The following OXCT1 variants were observed in gnomAD, a reference collection of about 807,000 sequenced individuals.
OXCT1 encodes the protein 3-oxoacid CoA-transferase 1, also known as succinyl-CoA:3-ketoacid coenzyme A transferase 1, mitochondrial.
In OXCT1, 27 loss-of-function variants were observed where a neutral mutation model predicts 69.6. The observed-to-expected ratio is 0.39, with a 90% CI of 0.29 to 0.54. OXCT1 has a LOEUF of 0.54. Among genes scored for constraint, OXCT1 ranks in the 20% least tolerant of loss-of-function variants. The pLI is 0.72. For missense variants in OXCT1, 437 were observed against 650.2 expected (o/e 0.67, Z 3.57); for synonymous variants, 202 against 217.8 (o/e 0.93, Z 0.64).
intron 7 of OXCT1, among the ~76,000 whole-genome samples, chr5:41,824,642 A>G (rs1747716446): frequency 1.3e-5 from 2 of 152,336 alleles, no homozygotes; most frequent in Admixed American, 6.5e-5. Context: ...ACTATAAATA[A>G]AACAGCAGCT....
At position 41,730,204 on chromosome 5, in the gene OXCT1, T is replaced by C. The variant is rs1218459420; in HGVS notation, c.*1525A>G. 6.6e-6 allele frequency: 1 copy of C among 152,238 alleles called. No homozygotes were observed. Among genetic ancestry groups the C allele is most frequent in the African/African-American group, 2.4e-5 (1 of 41,470 alleles). The allele number at this position is 152,238 out of a possible 1,614,324, so 9.4% of individuals were successfully genotyped here. A position where few individuals can be genotyped will look rare whatever the true frequency, so the allele number is the denominator to read the frequency against. On this transcript the variant is annotated 3_prime_UTR_variant, in exon 17 of 17. Transcript: ENST00000196371. ...TACTGGAATGATAAGTTTGAAGATG[T>C]AACTATCAACAATTCTTTTCAAAAT...
intron 13 of OXCT1, among the ~76,000 whole-genome samples, chr5:41,780,713 T>C (rs1745355947): frequency 6.6e-6 from 1 of 152,188 alleles, no homozygotes; most frequent in Non-Finnish European, 1.5e-5. Flanking sequence ...AAATTGACTA[T>C]TCAGCTCAAA....
chr5:41,745,821 A>C (rs1461994610), intron 15 of OXCT1, among the ~76,000 whole-genome samples: 1 of 152,196 alleles, frequency 6.6e-6, no homozygotes, highest in Non-Finnish European at 1.5e-5. Context: ...AAATTCCTCG[A>C]CACATACACC....
chr5:41,831,556 C>T (rs1748098177), intron 7 of OXCT1, among the ~76,000 whole-genome samples: 1 of 152,148 alleles, frequency 6.6e-6, no homozygotes, highest in South Asian at 2.1e-4. Context: ...GTGAGTTTTG[C>T]TTTGTTCACT....
chr5:41,858,844 G>A (rs1376831744), intron 3 of OXCT1, among the ~76,000 whole-genome samples: 1 of 152,020 alleles, frequency 6.6e-6, no homozygotes, highest in Non-Finnish European at 1.5e-5. Flanking sequence ...AATATATCAA[G>A]AGTACCAAAA....
intron 7 of OXCT1, among the ~76,000 whole-genome samples, chr5:41,828,865 G>C (rs1162772928): frequency 2.0e-5 from 3 of 152,126 alleles, no homozygotes; most frequent in African/African-American, 7.2e-5. Context: ...TAATATTTTA[G>C]GCTTTGCAGG....
intron 13 of OXCT1, among the ~76,000 whole-genome samples, chr5:41,790,355 G>C (rs761327622): frequency 6.6e-6 from 1 of 152,136 alleles, no homozygotes; most frequent in East Asian, 1.9e-4. Flanking sequence ...TCATTTATTC[G>C]CTTGCCTGGG....
intron 14 of OXCT1, among the ~76,000 whole-genome samples, chr5:41,756,819 T>C (rs575034102): frequency 6.6e-6 from 1 of 152,222 alleles, no homozygotes; most frequent in Non-Finnish European, 1.5e-5. Context: ...GTGAGCCATG[T>C]GGATAGCTAG....
intron 13 of OXCT1, among the ~76,000 whole-genome samples, chr5:41,767,722 G>GTGTATATATATA (rs1554011237): frequency 1.0e-3 from 91 of 89,934 alleles, no homozygotes; most frequent in Admixed American, 1.9e-3. Flanking sequence ...ATATGTGTGT[G>GTGTATATATATA]TATATATATA....
chr5:41,807,293 G>A lies in OXCT1; in HGVS notation c.840+38C>T. 3.7e-6 allele frequency: 4 copies of A among 1,081,976 alleles called. 1 individual carries two copies. Among genetic ancestry groups the A allele is most frequent in the Non-Finnish European group, 5.7e-6 (4 of 696,046 alleles). 67.0% of individuals were successfully genotyped at this position (1,081,976 alleles called of 1,614,324 possible). A position where few individuals can be genotyped will look rare whatever the true frequency, so the allele number is the denominator to read the frequency against. On this transcript the variant is annotated intron_variant, in intron 8 of 16. Coordinates refer to ENST00000196371, the MANE Select transcript of OXCT1 (RefSeq NM_000436.4). ...CCAGGGATGCACTATCTCTGTAACT[G>A]GATCCATGAATACTGACAAAGCAGC...
intron 11 of OXCT1, among the ~76,000 whole-genome samples, chr5:41,796,573 G>A (rs1219406053): frequency 6.6e-6 from 1 of 152,114 alleles, no homozygotes; most frequent in Non-Finnish European, 1.5e-5. Context: ...TAAAACTTGA[G>A]TATGGAGAAA....
chr5:41,768,509 C>G (rs1475918437), intron 13 of OXCT1, among the ~76,000 whole-genome samples: 1 of 152,162 alleles, frequency 6.6e-6, no homozygotes, highest in Non-Finnish European at 1.5e-5. Context: ...AAAGGCAAAT[C>G]TCACCCACCT....
At chr5:41,737,048 C>A (rs938184933) in intron 16 of OXCT1, among the ~76,000 whole-genome samples, 11 of 152,192 alleles carry the variant, frequency 7.2e-5, no homozygotes, top group African/African-American at 2.7e-4. Flanking sequence ...AATTAGGGCA[C>A]TCCAGCTCTA....
intron 7 of OXCT1, among the ~76,000 whole-genome samples, chr5:41,827,364 A>G (rs1747857869): frequency 6.6e-6 from 1 of 152,186 alleles, no homozygotes; most frequent in Non-Finnish European, 1.5e-5. Context: ...TCAACTGCCC[A>G]GTCATCGAGT....
rs1298040484 is a variant in OXCT1 at position 41,842,659 on chromosome 5, A to G, written c.671+16T>C. The G allele has an allele frequency of 6.4e-7, 1 of 1,574,786 alleles. No individual in the cohort carries two copies. Among genetic ancestry groups the G allele is most frequent in the Non-Finnish European group, 8.7e-7 (1 of 1,144,230 alleles). On this transcript the variant is annotated intron_variant, in intron 6 of 16. Coordinates refer to ENST00000196371, the MANE Select transcript of OXCT1 (RefSeq NM_000436.4). The stretch of plus-strand genomic sequence containing the variant: ...GTTGCTGATATGCACGAGTGTTTTT[A>G]AAACTATCACAATACCTGAAAATCA...
At chr5:41,770,932 T>C (rs1744845949) in intron 13 of OXCT1, among the ~76,000 whole-genome samples, 1 of 152,190 alleles carries the variant, frequency 6.6e-6, no homozygotes, top group African/African-American at 2.4e-5. Flanking sequence ...CCAGAAACTA[T>C]ACCAAAACCA....
chr5:41,805,817 T>A, intron 8 of OXCT1, 136 bp from the exon 9 acceptor site: 1 of 678,314 alleles, frequency 1.5e-6, no homozygotes, highest in Admixed American at 2.2e-5. Flanking sequence ...ATACCAGATA[T>A]TTAAAAAATA....
chr5:41,809,871 T>A (rs546339252), intron 7 of OXCT1, among the ~76,000 whole-genome samples: 1 of 152,106 alleles, frequency 6.6e-6, no homozygotes, highest in African/African-American at 2.4e-5. Flanking sequence ...AACAATTCCA[T>A]GTTTTGTCAT....
intron 15 of OXCT1, among the ~76,000 whole-genome samples, chr5:41,740,038 G>A (rs919647828): frequency 6.6e-6 from 1 of 152,126 alleles, no homozygotes; most frequent in Admixed American, 6.5e-5. Context: ...CATTGACCAT[G>A]GATGGCATTT....
Sources: allele counts gnomAD v4.1 joint callset (sites outside exome capture counted in the v4.1 genomes callset), GRCh38; gene constraint gnomAD v4.1.1; transcripts MANE v1.5; gene names NCBI Gene and HGNC (gene_info 2026-07-23, HGNC 2026-07-21).